Variants in SLC24A4 observed in about 807,000 individuals in gnomAD.
SLC24A4 encodes the protein sodium/potassium/calcium exchanger 4.
Under a neutral mutation model 79.0 loss-of-function variants are expected in SLC24A4, and 53 were observed. The observed-to-expected ratio is 0.67, with a 90% CI of 0.54 to 0.84. The LOEUF (loss-of-function observed/expected upper bound fraction) is 0.84. SLC24A4 is among the 40% of genes least tolerant of loss of function. The probability of loss-of-function intolerance (pLI) is 0.00; values close to 1 mark genes in which losing one functional copy is unlikely to be tolerated. For missense variants in SLC24A4, 731 were observed against 822.0 expected (o/e 0.89, Z 1.35); for synonymous variants, 323 against 323.8 (o/e 1.00, Z 0.03).
intron 14 of SLC24A4, among the ~76,000 whole-genome samples, chr14:92,489,803 C>T (rs1049769323): frequency 1.6e-4 from 24 of 152,202 alleles, no homozygotes; most frequent in Non-Finnish European, 3.4e-4. Context: ...CTGAGACCCG[C>T]TCATCCCCTC....
At chr14:92,354,051 T>A (rs1337843556) in intron 2 of SLC24A4, among the ~76,000 whole-genome samples, 2 of 152,066 alleles carry the variant, frequency 1.3e-5, no homozygotes, top group African/African-American at 2.4e-5. Context: ...GAACTGCCGG[T>A]GGAAACCTGG....
intron 2 of SLC24A4, among the ~76,000 whole-genome samples, chr14:92,422,286 C>T (rs535307696): frequency 2.6e-5 from 4 of 152,206 alleles, no homozygotes; most frequent in Non-Finnish European, 4.4e-5. Flanking sequence ...TCCAGTGCCT[C>T]GCTAGTGGAG....
intron 2 of SLC24A4, among the ~76,000 whole-genome samples, chr14:92,426,777 A>G (rs1416505956): frequency 2.6e-5 from 4 of 151,816 alleles, no homozygotes; most frequent in Non-Finnish European, 4.4e-5. Flanking sequence ...GGGAATGACA[A>G]TTTTCTTCTT....
chr14:92,438,708 C>T (rs1237969415), intron 3 of SLC24A4, among the ~76,000 whole-genome samples: 1 of 152,202 alleles, frequency 6.6e-6, no homozygotes, highest in East Asian at 1.9e-4. Context: ...AGCATACGAC[C>T]CTCCAGGAGC....
Position 92,491,759 on chromosome 14 carries a change from T to C in SLC24A4, c.1632T>C (p.Val544=). Residue 544 remains valine, a synonymous_variant, in exon 15 of 17, where the codon GTT becomes GTC. Coordinates refer to ENST00000532405, the MANE Select transcript of SLC24A4 (RefSeq NM_153646.4). ...TACCGTGGGGCCTGCAGACCATGGT[T>C]GTTAATTATGGATCAACAGTAAGTT... The part of the protein sequence containing the change: ...LGVPWGLQTM[V]VNYGSTVKIN... 2 of 1,613,006 alleles carry C rather than the reference T, an allele frequency of 1.2e-6. No homozygotes were observed. Among genetic ancestry groups the C allele is most frequent in the South Asian group, 2.2e-5 (2 of 91,054 alleles).
chr14:92,335,186 T>C (rs767571131), intron 2 of SLC24A4, among the ~76,000 whole-genome samples: 4 of 152,204 alleles, frequency 2.6e-5, no homozygotes, highest in African/African-American at 9.7e-5. Flanking sequence ...GTTCCTCTGT[T>C]ACCCCTCCAT....
At position 92,444,709 on chromosome 14, in the gene SLC24A4, G is replaced by T. The variant is rs1299420683; in HGVS notation, c.658-608G>T. Among the ~76,000 whole-genome samples, 6 of 152,090 alleles carry T rather than the reference G, an allele frequency of 3.9e-5. No individual in the cohort carries two copies. The East Asian group carries it at 1.2e-3, about 29-fold the overall frequency. The stretch of plus-strand genomic sequence containing the variant: ...GTCTCTACTAAAAGTATAAAAATTA[G>T]CCGGGTTTGGTGGTGCATGCCTGTA... On this transcript the variant is annotated intron_variant, in intron 7 of 16. Transcript: ENST00000532405.
At chr14:92,468,097 C>T (rs1894222331) in intron 12 of SLC24A4, among the ~76,000 whole-genome samples, 1 of 152,120 alleles carries the variant, frequency 6.6e-6, no homozygotes, top group South Asian at 2.1e-4. Context: ...TCAATATATA[C>T]AATTCAGTTG....
At chr14:92,382,316 T>A (rs1425549373) in intron 2 of SLC24A4, among the ~76,000 whole-genome samples, 2 of 152,210 alleles carry the variant, frequency 1.3e-5, no homozygotes, top group African/African-American at 4.8e-5. Context: ...CAGAACAGCC[T>A]TGCTCCACAA....
chr14:92,458,939 C>T (rs1476383561), intron 12 of SLC24A4, among the ~76,000 whole-genome samples: 1 of 152,194 alleles, frequency 6.6e-6, no homozygotes, highest in East Asian at 1.9e-4. Context: ...AGGGGTGGGG[C>T]GAGGAGGAGC....
At chr14:92,369,668 C>T (rs1001992860) in intron 2 of SLC24A4, among the ~76,000 whole-genome samples, 9 of 152,164 alleles carry the variant, frequency 5.9e-5, no homozygotes, top group Non-Finnish European at 1.2e-4. Flanking sequence ...GGTACAAGCA[C>T]AGTTTCTTGA....
intron 2 of SLC24A4, among the ~76,000 whole-genome samples, chr14:92,433,521 C>G (rs1891990488): frequency 6.6e-6 from 1 of 152,162 alleles, no homozygotes; most frequent in Non-Finnish European, 1.5e-5. Flanking sequence ...AACTGCCAGA[C>G]TGCCTCCCAG....
At chr14:92,477,788 T>C (rs1158576591) in intron 12 of SLC24A4, among the ~76,000 whole-genome samples, 9 of 147,010 alleles carry the variant, frequency 6.1e-5, no homozygotes, top group African/African-American at 2.0e-4. Flanking sequence ...TTTTCTCTTT[T>C]TTTTTTTTTT....
At chr14:92,334,497 C>T (rs1028888075) in intron 2 of SLC24A4, among the ~76,000 whole-genome samples, 6 of 152,222 alleles carry the variant, frequency 3.9e-5, no homozygotes, top group African/African-American at 1.2e-4. Context: ...GTTCTAGTAT[C>T]AGTTGTGCCC....
chr14:92,371,013 G>C (rs1467461515), intron 2 of SLC24A4, among the ~76,000 whole-genome samples: 4 of 152,202 alleles, frequency 2.6e-5, no homozygotes, highest in Admixed American at 2.6e-4. Flanking sequence ...ATTGATACAA[G>C]AGATAGAAAG....
rs1038333136 is a variant in SLC24A4 at position 92,495,100 on chromosome 14, A to G, written c.*1472A>G. 6.6e-6 allele frequency: 1 copy of G among 152,634 alleles called. No individual in the cohort carries two copies. Among genetic ancestry groups the G allele is most frequent in the African/African-American group, 2.4e-5 (1 of 41,456 alleles). 9.5% of individuals were successfully genotyped at this position (152,634 alleles called of 1,614,324 possible). A position where few individuals can be genotyped will look rare whatever the true frequency, so the allele number is the denominator to read the frequency against. On this transcript the variant is annotated 3_prime_UTR_variant, in exon 17 of 17. Transcript: ENST00000532405. ...ACTACCCATGATGATGTAAGAGGAAAGAACATTTTTTTGTGATTCACCAGA... is the reference window on the plus strand; with the variant it reads ...ACTACCCATGATGATGTAAGAGGAAGGAACATTTTTTTGTGATTCACCAGA...
chr14:92,322,876 C>A (rs1486075816), upstream of SLC24A4, among the ~76,000 whole-genome samples: 5 of 152,196 alleles, frequency 3.3e-5, no homozygotes, highest in East Asian at 9.7e-4. Context: ...ACTGCAGAAA[C>A]CCTTTTTCTA....
intron 12 of SLC24A4, among the ~76,000 whole-genome samples, chr14:92,473,195 A>G (rs1251135516): frequency 6.6e-6 from 1 of 152,238 alleles, no homozygotes; most frequent in Non-Finnish European, 1.5e-5. Context: ...GGTTTGGCAA[A>G]CAGTATGCAT....
chr14:92,492,067 T>A, intron 15 of SLC24A4, 108 bp from the exon 16 acceptor site: 1 of 1,025,274 alleles, frequency 9.8e-7, no homozygotes, highest in Non-Finnish European at 1.5e-6. Context: ...TGTAAACACC[T>A]GTGTTTTCCT....
Sources: gnomAD v4.1 joint callset for allele counts (sites outside exome capture counted in the v4.1 genomes callset) on GRCh38, gnomAD v4.1.1 for gene constraint, MANE v1.5 for transcripts, NCBI Gene and HGNC (gene_info 2026-07-23, HGNC 2026-07-21) for gene names.